Variants in DCLK2 observed in about 807,000 individuals in gnomAD.
The protein encoded by DCLK2 is serine/threonine-protein kinase DCLK2.
In DCLK2, 31 loss-of-function variants were observed where a neutral mutation model predicts 78.4. The observed-to-expected ratio is 0.40, with a 90% CI of 0.30 to 0.53. The LOEUF is 0.53. Among genes scored for constraint, DCLK2 ranks in the 20% least tolerant of loss-of-function variants. The probability of loss-of-function intolerance (pLI) is 0.61; values close to 1 mark genes in which losing one functional copy is unlikely to be tolerated. For missense variants in DCLK2, 872 were observed against 973.7 expected (o/e 0.90, Z 1.39); for synonymous variants, 407 against 374.9 (o/e 1.09, Z -0.99).
In DCLK2 at chr4:150,169,311, A is replaced by G. The variant is rs72967209; in HGVS notation, c.757-23827A>G. On this transcript the variant is annotated intron_variant, in intron 2 of 15. Coordinates refer to ENST00000296550, the MANE Select transcript of DCLK2 (RefSeq NM_001040260.4). ...CTGTTAAAAACTTTAGACAAATTAA[A>G]CAATTTATTTGAGCATAGAATGATT... 5.7e-3 allele frequency among the ~76,000 whole-genome samples: 861 copies of G among 152,334 alleles called. 6 individuals are homozygous for G. Among genetic ancestry groups the G allele is most frequent in the African/African-American group, 0.019 (808 of 41,564 alleles).
intron 15 of DCLK2, 144 bp from the exon 16 acceptor site, chr4:150,255,876 G>A (rs965561582): frequency 8.6e-6 from 12 of 1,398,196 alleles, no homozygotes; most frequent in Non-Finnish European, 1.1e-5. Context: ...TTACTCTCCT[G>A]TGAGGCTTCT....
In DCLK2 at chr4:150,249,761, C is replaced by G. The variant is rs1278662012; in HGVS notation, c.2073+77C>G. 6 of 1,195,700 alleles carry G rather than the reference C, an allele frequency of 5.0e-6. No homozygotes were observed. The South Asian group carries it at 7.3e-5, about 15-fold the overall frequency. The allele number at this position is 1,195,700 out of a possible 1,614,324, so 74.1% of individuals were successfully genotyped here. On this transcript the variant is annotated intron_variant, in intron 15 of 15. Coordinates refer to ENST00000296550, the MANE Select transcript of DCLK2 (RefSeq NM_001040260.4). ...TTTGAATTAGGTAGCCGGGAGCTGC[C>G]CTCACATGGAAGTTGGTGCCTTCCG...
chr4:150,241,373 C>T (rs1384522632), intron 12 of DCLK2, among the ~76,000 whole-genome samples: 2 of 152,174 alleles, frequency 1.3e-5, no homozygotes, highest in Non-Finnish European at 2.9e-5. Flanking sequence ...GAGTGAGGGG[C>T]TTCAGCCACA....
At chr4:150,116,671 G>A (rs1732117258) in intron 2 of DCLK2, among the ~76,000 whole-genome samples, 1 of 152,222 alleles carries the variant, frequency 6.6e-6, no homozygotes, top group African/African-American at 2.4e-5. Flanking sequence ...GAGTGACATA[G>A]ACTCTAAGAT....
At position 150,203,846 on chromosome 4, in the gene DCLK2, C is replaced by T; in HGVS notation, c.1013C>T (p.Ser338Phe). ...TCTACTCCTAAATCTACGAAATCCT[C>T]CAGTTCCTCTCCAACTAGTCCAGGA... Reference protein sequence around the residue: ...QLSTPKSTKSSSSSPTSPGSF... With the variant: ...QLSTPKSTKSFSSSPTSPGSF... The change falls in exon 5 of 16, where the codon TCC (serine) becomes TTC (phenylalanine). Residue 338 changes from serine to phenylalanine, a missense_variant. Ser to Phe is a radical substitution (Grantham distance 155). Transcript: ENST00000296550. The T allele has an allele frequency of 2.5e-6, 4 of 1,613,980 alleles. No individual in the cohort carries two copies. The highest frequency in any genetic ancestry group is 3.4e-6 in the Non-Finnish European group (4 of 1,179,936).
At chr4:150,168,681 T>C (rs1218121934) in intron 2 of DCLK2, among the ~76,000 whole-genome samples, 1 of 152,178 alleles carries the variant, frequency 6.6e-6, no homozygotes. Flanking sequence ...ACTATTGCAA[T>C]CCCAAAGTAG....
At chr4:150,169,769 T>C (rs1390574554) in intron 2 of DCLK2, among the ~76,000 whole-genome samples, 2 of 152,328 alleles carry the variant, frequency 1.3e-5, no homozygotes, top group Non-Finnish European at 2.9e-5. Context: ...TGGTTACAGC[T>C]GGGCATTGGC....
At chr4:150,083,526 A>G (rs1729445267) in intron 1 of DCLK2, among the ~76,000 whole-genome samples, 1 of 152,224 alleles carries the variant, frequency 6.6e-6, no homozygotes. Context: ...TGAAAGTGTT[A>G]AATAAACCAA....
At chr4:150,222,569 T>C (rs1277645629) in intron 7 of DCLK2, among the ~76,000 whole-genome samples, 1 of 152,096 alleles carries the variant, frequency 6.6e-6, no homozygotes, top group Non-Finnish European at 1.5e-5. Flanking sequence ...AGGCCAGGCC[T>C]GGTGGCTAGC....
intron 2 of DCLK2, among the ~76,000 whole-genome samples, chr4:150,103,165 A>G (rs926565040): frequency 5.9e-5 from 9 of 152,162 alleles, no homozygotes; most frequent in African/African-American, 1.9e-4. Flanking sequence ...TTGATTTGTA[A>G]AGTCATTATG....
intron 2 of DCLK2, among the ~76,000 whole-genome samples, chr4:150,145,032 G>A (rs1246670533): frequency 6.6e-6 from 1 of 152,078 alleles, no homozygotes; most frequent in African/African-American, 2.4e-5. Context: ...TTGTATTGTT[G>A]ACAATTTCTT....
At chr4:150,146,762 G>A (rs966670040) in intron 2 of DCLK2, among the ~76,000 whole-genome samples, 13 of 152,150 alleles carry the variant, frequency 8.5e-5, no homozygotes, top group African/African-American at 3.1e-4. Flanking sequence ...TCTGTAATTT[G>A]ATTAGAGTTT....
intron 2 of DCLK2, among the ~76,000 whole-genome samples, chr4:150,124,454 C>A (rs1188479177): frequency 2.0e-5 from 3 of 152,024 alleles, no homozygotes; most frequent in Non-Finnish European, 4.4e-5. Context: ...CATTAAAATG[C>A]CATTTTAAGA....
intron 15 of DCLK2, among the ~76,000 whole-genome samples, chr4:150,255,435 T>C (rs1744488523): frequency 6.6e-6 from 1 of 152,218 alleles, no homozygotes; most frequent in Non-Finnish European, 1.5e-5. Context: ...TTTAAAAACT[T>C]TCAGGATGTT....
At chr4:150,185,903 A>G (rs1204956945) in intron 2 of DCLK2, among the ~76,000 whole-genome samples, 1 of 152,110 alleles carries the variant, frequency 6.6e-6, no homozygotes, top group Non-Finnish European at 1.5e-5. Context: ...GGATAGAAAA[A>G]TTACTTTTTA....
At chr4:150,168,260 G>C (rs998266401) in intron 2 of DCLK2, among the ~76,000 whole-genome samples, 1 of 151,500 alleles carries the variant, frequency 6.6e-6, no homozygotes, top group Non-Finnish European at 1.5e-5. Context: ...GGAGAGTGGC[G>C]TAAGTAAACC....
At chr4:150,175,191 T>TTATATATATTTATATATATTTATAATTTA (rs747681195) in intron 2 of DCLK2, among the ~76,000 whole-genome samples, 1 of 67,970 alleles carries the variant, frequency 1.5e-5, no homozygotes, top group African/African-American at 7.8e-5. Context: ...TATTTATAAT[T>TTATATATATTTATATATATTTATAATTTA]TATCTATATA....
At position 150,102,480 on chromosome 4, in the gene DCLK2, G is replaced by A. The variant is rs1399832976; in HGVS notation, c.424G>A (p.Glu142Lys). 1 of 1,606,456 alleles carries A rather than the reference G, an allele frequency of 6.2e-7. No homozygotes were observed. Among genetic ancestry groups the A allele is most frequent in the African/African-American group, 1.3e-5 (1 of 74,542 alleles). Residue 142 changes from glutamate to lysine, a missense_variant and splice_region_variant, in exon 2 of 16, where the codon GAG (glutamate) becomes AAG (lysine). Physicochemically the swap from Glu to Lys is moderately conservative, Grantham distance 56 (BLOSUM62 1). Around this residue, in one of 3 missense-constraint regions of DCLK2, gnomAD observed 567 missense variants for 593.4 expected, o/e 0.96. Transcript: ENST00000296550. ...VTSLDELLEG[E>K]SYVCASNEPF... Reference sequence around the variant, plus strand: ...TAAAATCAAATTTTGCTTTTTAGGTGAGAGTTACGTGTGTGCATCCAATGA... The same window carrying A: ...TAAAATCAAATTTTGCTTTTTAGGTAAGAGTTACGTGTGTGCATCCAATGA...
At chr4:150,176,775 G>A (rs995093757) in intron 2 of DCLK2, among the ~76,000 whole-genome samples, 2 of 152,164 alleles carry the variant, frequency 1.3e-5, no homozygotes, top group Non-Finnish European at 2.9e-5. Context: ...ATGAGTTTCT[G>A]ACATGAGTAG....
Sources: allele counts gnomAD v4.1 joint callset (sites outside exome capture counted in the v4.1 genomes callset), GRCh38; gene constraint gnomAD v4.1.1; regional missense constraint gnomAD v4.1.1; transcripts MANE v1.5; gene names NCBI Gene and HGNC (gene_info 2026-07-23, HGNC 2026-07-21).